DNAH3: variants seen among roughly 807,000 people sequenced by gnomAD.
DNAH3 encodes the protein axonemal beta dynein heavy chain 3.
A neutral mutation model predicts 432.5 loss-of-function variants in DNAH3; 332 were observed. The observed-to-expected ratio is 0.77, with a 90% CI of 0.70 to 0.84. DNAH3 has a LOEUF of 0.84. Ranked by LOEUF, DNAH3 falls within the 40% of genes least tolerant of loss-of-function variation. DNAH3 has a pLI of 0.00. For missense variants in DNAH3, 4,861 were observed against 5,114.0 expected (o/e 0.95, Z 1.51); for synonymous variants, 1,956 against 1,900.2 (o/e 1.03, Z -0.76).
exon 19 of DNAH3, chr16:21,086,948 T>C (rs749672644): frequency 1.9e-6 from 3 of 1,614,218 alleles, no homozygotes; most frequent in Admixed American, 1.7e-5. Flanking sequence ...CATTCTCTGC[T>C]AAGCGCCTGG....
intron 7 of DNAH3, chr16:21,129,140 TC>T (rs540223309): frequency 6.6e-5 from 10 of 151,982 alleles, no homozygotes; most frequent in Admixed American, 2.0e-4. Context: ...GCCTGTCACC[TC>T]CCCCCCTCCC....
intron 11 of DNAH3, chr16:21,120,638 T>C (rs1239575464): frequency 1.1e-6 from 1 of 888,786 alleles, no homozygotes; most frequent in South Asian, 1.4e-5. Context: ...CCTTATTGTC[T>C]CGTAAAGTCA....
chr16:20,986,978 T>C (rs2086228898), intron 47 of DNAH3, among the ~76,000 whole-genome samples: 2 of 152,196 alleles, frequency 1.3e-5, no homozygotes, highest in African/African-American at 2.4e-5. Context: ...ATCATGACAA[T>C]GTACAGTTCA....
chr16:21,040,358 A>ATCTTTTTTTTTTTTTTTTTT lies in DNAH3; in HGVS notation c.4639-416_4639-415insAAAAAAAAAAAAAAAAAAGA, dbSNP rs771791969. 1.9e-4 allele frequency among the ~76,000 whole-genome samples: 15 copies of ATCTTTTTTTTTTTTTTTTTT among 79,744 alleles called. 1 individual carries two copies. The highest frequency in any genetic ancestry group is 7.3e-4 in the African/African-American group (13 of 17,760). The allele number at this position is 79,744 out of a possible 152,430, so 52.3% of individuals were successfully genotyped here. A position where few individuals can be genotyped will look rare whatever the true frequency, so the allele number is the denominator to read the frequency against. The stretch of plus-strand genomic sequence containing the variant: ...TCAGAAGAATCCCAAAGCCAGACAG[A>ATCTTTTTTTTTTTTTTTTTT]TTTTTTTTTTTTTTTTTTTTTTTTT... On this transcript the variant is annotated intron_variant, in intron 32 of 61. Transcript: ENST00000261383.
At chr16:21,159,441 T>A in exon 1 of DNAH3, 1 of 1,613,370 alleles carries the variant, frequency 6.2e-7, no homozygotes, top group Non-Finnish European at 8.5e-7. Flanking sequence ...GTAGCTCCCA[T>A]CCCCCAACCA....
At chr16:20,978,527 G>T (rs192094499) in intron 50 of DNAH3, among the ~76,000 whole-genome samples, 1 of 152,016 alleles carries the variant, frequency 6.6e-6, no homozygotes, top group Admixed American at 6.6e-5. Flanking sequence ...ATTGCGTCTC[G>T]AAAGAAATAA....
At chr16:21,066,379 T>C (rs1184636250) in intron 24 of DNAH3, among the ~76,000 whole-genome samples, 1 of 151,970 alleles carries the variant, frequency 6.6e-6, no homozygotes, top group African/African-American at 2.4e-5. Context: ...TCCTTTTTTT[T>C]TATTTTGAGA....
chr16:21,062,737 T>C (rs1833180047), intron 24 of DNAH3, 54 bp from the exon 25 acceptor site: 8 of 1,470,234 alleles, frequency 5.4e-6, no homozygotes, highest in Non-Finnish European at 4.7e-6. Context: ...GAACTTTTTC[T>C]AGCAAGGTGA....
chr16:21,129,747 A>G (rs1390901898), intron 7 of DNAH3, among the ~76,000 whole-genome samples: 4 of 149,362 alleles, frequency 2.7e-5, no homozygotes, highest in East Asian at 2.0e-4. Context: ...AAAAACAAAA[A>G]CAAATGCACC....
At chr16:20,972,145 G>A (rs975861549) in intron 51 of DNAH3, among the ~76,000 whole-genome samples, 1 of 152,172 alleles carries the variant, frequency 6.6e-6, no homozygotes, top group African/African-American at 2.4e-5. Flanking sequence ...ACCCGGGAGG[G>A]CAGCTCCGAT....
intron 7 of DNAH3, among the ~76,000 whole-genome samples, chr16:21,128,831 C>T (rs7205277): frequency 0.28 from 42,105 of 149,486 alleles, 6,090 homozygotes; most frequent in African/African-American, 0.34. Context: ...TGCACTCCAG[C>T]CTGGGTGACA....
chr16:20,957,663 T>C (rs1024771666), intron 54 of DNAH3, among the ~76,000 whole-genome samples: 3 of 151,624 alleles, frequency 2.0e-5, no homozygotes, highest in Non-Finnish European at 4.4e-5. Flanking sequence ...AAATTCAAAA[T>C]TAGCCATGCA....
rs569987146 is a variant in DNAH3 at position 21,030,823 on chromosome 16, C to T, written c.5439+222G>A. Among the ~76,000 whole-genome samples, 5 of 152,266 alleles carry T rather than the reference C, an allele frequency of 3.3e-5. No homozygotes were observed. The East Asian group carries it at 9.7e-4, about 29-fold the overall frequency. ...GATGCCAGCACTAAGGCTCACTATTCAACGTGGTCTCTAAACATGCTTAGC... is the reference window on the plus strand; with the variant it reads ...GATGCCAGCACTAAGGCTCACTATTTAACGTGGTCTCTAAACATGCTTAGC... On this transcript the variant is annotated intron_variant, in intron 37 of 61. Transcript: ENST00000261383.
At position 21,106,583 on chromosome 16, in the gene DNAH3, T is replaced by A; in HGVS notation, c.2191A>T (p.Lys731Ter). Reference sequence around the variant, plus strand: ...TTGAACACAGTGACAGCACTGGATTTCTTTAGGAATTCAATGAGGGATACC... The same window carrying A: ...TTGAACACAGTGACAGCACTGGATTACTTTAGGAATTCAATGAGGGATACC... The change falls in exon 15 of 62, where the codon AAA (lysine) becomes TAA (stop). Residue 731 changes from lysine to a stop codon, truncating the protein, a stop_gained. Coordinates refer to ENST00000261383, the Ensembl canonical transcript of DNAH3. LOFTEE classifies it high-confidence loss of function. The A allele has an allele frequency of 6.2e-7, 1 of 1,612,280 alleles. No homozygotes were observed.
chr16:21,044,940 T>C (rs1236085020), intron 31 of DNAH3, among the ~76,000 whole-genome samples: 2 of 148,080 alleles, frequency 1.4e-5, no homozygotes, highest in Non-Finnish European at 3.0e-5. Flanking sequence ...ATCATGTGGT[T>C]TTTGTCTTTG....
intron 37 of DNAH3, among the ~76,000 whole-genome samples, chr16:21,029,232 T>G (rs549316874): frequency 6.6e-6 from 1 of 152,352 alleles, no homozygotes; most frequent in African/African-American, 2.4e-5. Context: ...ATCAAAATTA[T>G]GCACATGCTA....
chr16:21,048,053 G>T (rs1002879395), intron 31 of DNAH3, among the ~76,000 whole-genome samples: 1 of 152,228 alleles, frequency 6.6e-6, no homozygotes, highest in African/African-American at 2.4e-5. Flanking sequence ...CCAGCTGCTT[G>T]CTGTGAGAAC....
intron 53 of DNAH3, among the ~76,000 whole-genome samples, chr16:20,961,323 C>T (rs1567532216): frequency 6.6e-6 from 1 of 151,990 alleles, no homozygotes; most frequent in Non-Finnish European, 1.5e-5. Context: ...GGAAGGGGAA[C>T]ATCACACACC....
chr16:21,098,283 C>CA (rs1209846803), intron 17 of DNAH3, among the ~76,000 whole-genome samples: 1 of 151,142 alleles, frequency 6.6e-6, no homozygotes, highest in Non-Finnish European at 1.5e-5. Flanking sequence ...ATTAAAAATA[C>CA]AAAAAATGAG....
Sources: gnomAD v4.1 joint callset for allele counts (sites outside exome capture counted in the v4.1 genomes callset) on GRCh38, gnomAD v4.1.1 for gene constraint, MANE v1.5 for transcripts, NCBI Gene and HGNC (gene_info 2026-07-23, HGNC 2026-07-21) for gene names.